Variants in JAKMIP2 observed in about 807,000 individuals in gnomAD.
The protein encoded by JAKMIP2 is janus kinase and microtubule interacting protein 2.
JAKMIP2 carries 25 observed loss-of-function variants against 115.0 expected under a neutral mutation model. The ratio of observed to expected loss-of-function variants is 0.22; its 90% CI spans 0.16 to 0.30. The LOEUF is 0.30. JAKMIP2 is among the 10% of genes least tolerant of loss of function. The pLI is 1.00. For missense variants in JAKMIP2, 642 were observed against 957.6 expected (o/e 0.67, Z 4.35); for synonymous variants, 334 against 343.6 (o/e 0.97, Z 0.31).
chr5:147,688,790 T>A (rs764289225), intron 1 of JAKMIP2, among the ~76,000 whole-genome samples: 5 of 152,188 alleles, frequency 3.3e-5, no homozygotes, highest in Admixed American at 1.3e-4. Flanking sequence ...TGTTCTAAAA[T>A]CAGCTTCTTC....
intron 1 of JAKMIP2, among the ~76,000 whole-genome samples, chr5:147,672,445 CTCATATATTCATTCAT>C (rs1334709444): frequency 2.6e-5 from 4 of 152,186 alleles, no homozygotes; most frequent in Non-Finnish European, 5.9e-5. Flanking sequence ...AACTGAGTCA[CTCATATATTCATTCAT>C]TCATTCAATC....
chr5:147,695,875 T>C (rs569699454), intron 1 of JAKMIP2, among the ~76,000 whole-genome samples: 1 of 152,270 alleles, frequency 6.6e-6, no homozygotes, highest in African/African-American at 2.4e-5. Flanking sequence ...CAAAATTACA[T>C]AGAATAACAC....
intron 4 of JAKMIP2, 119 bp from the exon 5 acceptor site, chr5:147,648,593 G>A: frequency 3.2e-6 from 2 of 620,206 alleles, no homozygotes; most frequent in South Asian, 4.0e-5. Flanking sequence ...CCTGAAGTGA[G>A]AATAAAATAT....
intron 2 of JAKMIP2, among the ~76,000 whole-genome samples, chr5:147,666,388 TTAG>T (rs2126793902): frequency 1.3e-5 from 2 of 152,280 alleles, no homozygotes; most frequent in South Asian, 4.1e-4. Flanking sequence ...AGAAAATTAT[TTAG>T]TAGAAGAAAG....
chr5:147,674,345 A>T (rs1759805587), intron 1 of JAKMIP2, among the ~76,000 whole-genome samples: 1 of 152,216 alleles, frequency 6.6e-6, no homozygotes, highest in South Asian at 2.1e-4. Context: ...AACACAGAGT[A>T]AAAAAGGAGC....
intron 18 of JAKMIP2, among the ~76,000 whole-genome samples, chr5:147,619,088 C>CT (rs1045397995): frequency 1.3e-5 from 2 of 151,954 alleles, no homozygotes; most frequent in African/African-American, 2.4e-5. Flanking sequence ...CTTTTTCTTT[C>CT]TTTTTTTGAT....
chr5:147,709,570 G>C (rs576023658), intron 1 of JAKMIP2, among the ~76,000 whole-genome samples: 1 of 152,142 alleles, frequency 6.6e-6, no homozygotes, highest in Non-Finnish European at 1.5e-5. Flanking sequence ...ATCATTCTAG[G>C]CCGGGTGGGG....
In JAKMIP2 at chr5:147,702,600, GAAGGAAAGAAAGAAA is replaced by G. The variant is rs1561547319; in HGVS notation, c.-148-30661_-148-30647del. 1.0e-3 allele frequency among the ~76,000 whole-genome samples: 105 copies of G among 102,318 alleles called. 1 individual carries two copies. Among genetic ancestry groups the G allele is most frequent in the South Asian group, 5.2e-3 (15 of 2,870 alleles). The allele number at this position is 102,318 out of a possible 152,430, so 67.1% of individuals were successfully genotyped here. On this transcript the variant is annotated intron_variant, in intron 1 of 21. Coordinates refer to ENST00000616793, the MANE Select transcript of JAKMIP2 (RefSeq NM_001270941.2). ...AGAAGGAAAGAAAGAAAGAAAGAAAGAAGGAAAGAAAGAAAGAAAGAAAGAAAGAAAGAAAGAAAG... is the reference window on the plus strand; with the variant it reads ...AGAAGGAAAGAAAGAAAGAAAGAAAGGAAAGAAAGAAAGAAAGAAAGAAAG...
At chr5:147,762,142 C>T (rs1330037538) in intron 1 of JAKMIP2, among the ~76,000 whole-genome samples, 1 of 152,044 alleles carries the variant, frequency 6.6e-6, no homozygotes, top group African/African-American at 2.4e-5. Flanking sequence ...TTCTTTGACA[C>T]TTACATATAT....
chr5:147,768,378 A>C (rs76350910), intron 1 of JAKMIP2, among the ~76,000 whole-genome samples: 1,813 of 152,250 alleles, frequency 0.012, 31 homozygotes, highest in African/African-American at 0.04. Flanking sequence ...TGTTAGAATT[A>C]TTTCTAAACT....
chr5:147,742,296 T>A (rs1754180011), intron 1 of JAKMIP2, among the ~76,000 whole-genome samples: 1 of 151,778 alleles, frequency 6.6e-6, no homozygotes, highest in South Asian at 2.1e-4. Flanking sequence ...GCAACTAAAG[T>A]GCAAGACAGT....
chr5:147,671,971 A>C lies in JAKMIP2; in HGVS notation c.-148-17T>G. On this transcript the variant is annotated splice_polypyrimidine_tract_variant and intron_variant, in intron 1 of 21. Coordinates refer to ENST00000616793, the MANE Select transcript of JAKMIP2 (RefSeq NM_001270941.2). ...CTGGAAGCCCTGAGAAGAGGCAGAGATAGTAGTTATTGTTTTGGCAAAGAC... is the reference window on the plus strand; with the variant it reads ...CTGGAAGCCCTGAGAAGAGGCAGAGCTAGTAGTTATTGTTTTGGCAAAGAC... 1 of 1,258,584 alleles carries C rather than the reference A, an allele frequency of 7.9e-7. No individual in the cohort carries two copies. Among genetic ancestry groups the C allele is most frequent in the Non-Finnish European group, 1.0e-6 (1 of 998,858 alleles). 78.0% of individuals were successfully genotyped at this position (1,258,584 alleles called of 1,614,324 possible). A position where few individuals can be genotyped will look rare whatever the true frequency, so the allele number is the denominator to read the frequency against.
At chr5:147,607,447 A>G (rs1042346057) in intron 20 of JAKMIP2, among the ~76,000 whole-genome samples, 10 of 152,268 alleles carry the variant, frequency 6.6e-5, no homozygotes, top group African/African-American at 2.4e-4. Flanking sequence ...GGTTTTTGTC[A>G]TTGGTTCTGT....
intron 13 of JAKMIP2, 121 bp downstream of exon 13, chr5:147,632,559 T>C (rs1011985510): frequency 1.5e-5 from 10 of 682,738 alleles, no homozygotes; most frequent in Admixed American, 2.7e-5. Flanking sequence ...TTGAGGGTGA[T>C]TGTGAGGTCC....
At position 147,780,587 on chromosome 5, in the gene JAKMIP2, A is replaced by G. The variant is rs542406665; in HGVS notation, c.-149+1869T>C. 3.9e-5 allele frequency among the ~76,000 whole-genome samples: 6 copies of G among 152,310 alleles called. No individual in the cohort carries two copies. In the South Asian group the frequency reaches 1.2e-3, roughly 32 times the overall value. On this transcript the variant is annotated intron_variant, in intron 1 of 21. Transcript: ENST00000616793. ...TACCTCTTTCCTTGCCCTACTTCATATAGTTGTTAAAATTAGGCACAAAGT... is the reference window on the plus strand; with the variant it reads ...TACCTCTTTCCTTGCCCTACTTCATGTAGTTGTTAAAATTAGGCACAAAGT...
chr5:147,591,277 T>C lies in JAKMIP2; in HGVS notation c.*430A>G. ...ATGATGTTTATTATCAGGACTAGTG[T>C]TTCCATGGGGTGTGGTGTTACATTA... On this transcript the variant is annotated 3_prime_UTR_variant, in exon 22 of 22. Transcript: ENST00000616793. 5.5e-6 allele frequency: 1 copy of C among 181,376 alleles called. No homozygotes were observed. The highest frequency in any genetic ancestry group is 1.1e-5 in the Non-Finnish European group (1 of 88,120). 11.2% of individuals were successfully genotyped at this position (181,376 alleles called of 1,614,324 possible).
chr5:147,732,933 G>C lies in JAKMIP2; in HGVS notation c.-149+49523C>G, dbSNP rs539578845. Among the ~76,000 whole-genome samples, 4 of 152,260 alleles carry C rather than the reference G, an allele frequency of 2.6e-5. No individual in the cohort carries two copies. The East Asian group carries it at 7.7e-4, about 29-fold the overall frequency. On this transcript the variant is annotated intron_variant, in intron 1 of 21. Transcript: ENST00000616793. ...CAAAGCATTGTATTAGAATTCTTCT[G>C]TCTTCCTGGCACCTTCAAAGAAATA...
intron 1 of JAKMIP2, among the ~76,000 whole-genome samples, chr5:147,737,991 G>GT (rs959148938): frequency 1.5e-3 from 225 of 149,394 alleles, no homozygotes; most frequent in African/African-American, 5.0e-3. Flanking sequence ...ACTTTCACAA[G>GT]TTTTTTTTTT....
At chr5:147,742,163 T>TTTTTTA (rs1413650418) in intron 1 of JAKMIP2, among the ~76,000 whole-genome samples, 4 of 90,646 alleles carry the variant, frequency 4.4e-5, no homozygotes, top group African/African-American at 2.3e-4. Flanking sequence ...ATATTTTTTT[T>TTTTTTA]ACTATTGTAT....
Sources: gnomAD v4.1 joint callset for allele counts (sites outside exome capture counted in the v4.1 genomes callset) on GRCh38, gnomAD v4.1.1 for gene constraint, MANE v1.5 for transcripts, NCBI Gene and HGNC (gene_info 2026-07-23, HGNC 2026-07-21) for gene names.